The following SZT2 variants were observed in gnomAD, a reference collection of about 807,000 sequenced individuals.
SZT2 encodes the protein SZT2 subunit of KICSTOR complex.
SZT2 carries 216 observed loss-of-function variants against 404.2 expected under a neutral mutation model. The observed-to-expected ratio is 0.53, with a 90% confidence interval of 0.48 to 0.60. The LOEUF (loss-of-function observed/expected upper bound fraction) is 0.60, where lower values mean the gene tolerates loss of function less well. Ranked by LOEUF, SZT2 falls within the 20% of genes least tolerant of loss-of-function variation. The pLI is 0.00. For missense variants in SZT2, 3,857 were observed against 4,459.2 expected (o/e 0.86, Z 3.85); for synonymous variants, 1,693 against 1,749.9 (o/e 0.97, Z 0.81).
chr1:43,444,422 C>T (rs1255577775), intron 62 of SZT2, among the ~76,000 whole-genome samples: 1 of 152,114 alleles, frequency 6.6e-6, no homozygotes, highest in Non-Finnish European at 1.5e-5. Flanking sequence ...TGTACATGCT[C>T]CTAAGCCTCT....
chr1:43,439,225 G>A lies in SZT2; in HGVS notation c.6792+132G>A, dbSNP rs879117866. 26 of 1,524,562 alleles carry A rather than the reference G, an allele frequency of 1.7e-5. No homozygotes were observed. In the South Asian group the frequency reaches 2.8e-4, roughly 16 times the overall value. 94.4% of individuals were successfully genotyped at this position (1,524,562 alleles called of 1,614,324 possible). A position where few individuals can be genotyped will look rare whatever the true frequency, so the allele number is the denominator to read the frequency against. On this transcript the variant is annotated intron_variant, in intron 48 of 71. Coordinates refer to ENST00000634258, the MANE Select transcript of SZT2 (RefSeq NM_001365999.1). The surrounding 1 kb of genome is among the most constrained non-coding windows in gnomAD (Gnocchi z 4.2). ...CTGGGTACACCCATGCCCCCCCGGG[G>A]ACCATTATTACCCGCCTGTGTCTTC...
rs2153935755 is a variant in SZT2, at chr1:43,441,632, A to T, written c.7609+31A>T. On this transcript the variant is annotated intron_variant, in intron 54 of 71. Coordinates refer to ENST00000634258, the MANE Select transcript of SZT2 (RefSeq NM_001365999.1). This position sits in a 1 kb window ranked among gnomAD's most constrained non-coding sequence, Gnocchi z 4.8. Reference sequence around the variant, plus strand: ...ACCCCAGCCTCCCCTCCCATCCCTCAACCCCAGCCTGGTCTCCATCCTGCA... The same window carrying T: ...ACCCCAGCCTCCCCTCCCATCCCTCTACCCCAGCCTGGTCTCCATCCTGCA... 1.2e-6 allele frequency: 2 copies of T among 1,613,912 alleles called. No homozygotes were observed. Among genetic ancestry groups the T allele is most frequent in the Non-Finnish European group, 1.7e-6 (2 of 1,179,926 alleles).
intron 28 of SZT2, chr1:43,429,369 C>T (rs1653580167): frequency 4.1e-6 from 1 of 244,936 alleles, no homozygotes; most frequent in Admixed American, 4.9e-5. Flanking sequence ...CTTGTTTCTA[C>T]AAAAGAATTT....
At position 43,450,790 on chromosome 1, in the gene SZT2, G is replaced by A. The variant is rs1400012232; in HGVS notation, c.*310G>A. ...TGGTAGAGTCTCGGGAGTTCACACA[G>A]GGTGGCAAACACCCCCTAGAGCTCC... On this transcript the variant is annotated 3_prime_UTR_variant, in exon 72 of 72. Coordinates refer to ENST00000634258, the MANE Select transcript of SZT2 (RefSeq NM_001365999.1). This position sits in a 1 kb window ranked among gnomAD's most constrained non-coding sequence, Gnocchi z 4.3. The A allele has an allele frequency of 1.4e-6, 1 of 710,034 alleles. No individual in the cohort carries two copies. Among genetic ancestry groups the A allele is most frequent in the East Asian group, 2.7e-5 (1 of 36,466 alleles). 44.0% of individuals were successfully genotyped at this position (710,034 alleles called of 1,614,324 possible).
At position 43,437,199 on chromosome 1, in the gene SZT2, C is replaced by G; in HGVS notation, c.6063C>G (p.Pro2021=). The G allele has an allele frequency of 6.2e-7, 1 of 1,614,148 alleles. No individual in the cohort carries two copies. The highest frequency in any genetic ancestry group is 8.5e-7 in the Non-Finnish European group (1 of 1,180,030). ...ATGCTGCTGATGAGAGCTGTGCGCC[C>G]CGTGGGTACCTGGCAGCCACAATGC... is the stretch of plus-strand genomic sequence containing the variant. The part of the protein sequence containing the change: ...DDYAADESCA[P]RGYLAATMQF... Residue 2021 remains proline, a synonymous_variant, in exon 43 of 72, where the codon CCC becomes CCG. Transcript: ENST00000634258. This position sits in a 1 kb window ranked among gnomAD's most constrained non-coding sequence, Gnocchi z 5.3.
Position 43,445,908 on chromosome 1 carries a change from G to A in SZT2, c.8840G>A (p.Arg2947Gln), listed in dbSNP as rs147484328. 28 of 1,614,050 alleles carry A rather than the reference G, an allele frequency of 1.7e-5. No individual in the cohort carries two copies. Among genetic ancestry groups the A allele is most frequent in the South Asian group, 7.7e-5 (7 of 91,094 alleles). ...PSPARSTSRP[R>Q]AMAILGTEGR... Reference sequence around the variant, plus strand: ...CTTTTCTATAGCACCAGCCGGCCACGGGCCATGGCTATCCTTGGAACAGAG... The same window carrying A: ...CTTTTCTATAGCACCAGCCGGCCACAGGCCATGGCTATCCTTGGAACAGAG... The change falls in exon 63 of 72, where the codon CGG becomes CAG. Residue 2947 changes from arginine (R) to glutamine (Q), a missense_variant. Arg to Gln is a conservative substitution (Grantham distance 43). This residue lies in a region of SZT2 where 717 missense variants were observed against 868.2 expected (regional missense o/e 0.83). Transcript: ENST00000634258.
At chr1:43,399,904 G>A (rs185714710) in intron 1 of SZT2, among the ~76,000 whole-genome samples, 3 of 152,068 alleles carry the variant, frequency 2.0e-5, no homozygotes, top group Non-Finnish European at 2.9e-5. Context: ...GTAACAGAGA[G>A]TAGTATCTCC....
chr1:43,446,590 C>T, intron 65 of SZT2, 174 bp downstream of exon 65: 1 of 750,780 alleles, frequency 1.3e-6, no homozygotes, highest in Middle Eastern at 3.8e-4. Context: ...TGACTGCACT[C>T]ACTACAAGGC....
At position 43,453,536 on chromosome 1, in the gene SZT2, T is replaced by A; in HGVS notation, c.*3056T>A. ...GGGCCTCAGCCCCCGGCTCGGACAC[T>A]CCCCTGCCCGCGCCCCGGCACCCCC... On this transcript the variant is annotated 3_prime_UTR_variant, in exon 72 of 72. Transcript: ENST00000634258. The A allele has an allele frequency of 6.6e-6, 10 of 1,521,946 alleles. No homozygotes were observed. The highest frequency in any genetic ancestry group is 8.8e-6 in the Non-Finnish European group (10 of 1,130,686). 94.3% of individuals were successfully genotyped at this position (1,521,946 alleles called of 1,614,324 possible).
At position 43,450,171 on chromosome 1, in the gene SZT2, G is replaced by A. The variant is rs752635597; in HGVS notation, c.10155G>A (p.Thr3385=). 4.3e-6 allele frequency: 7 copies of A among 1,614,060 alleles called. No homozygotes were observed. Among genetic ancestry groups the A allele is most frequent in the Non-Finnish European group, 5.9e-6 (7 of 1,179,976 alleles). The change falls in exon 71 of 72, where the codon ACG becomes ACA. Residue 3385 remains threonine (T), a splice_region_variant and synonymous_variant. Coordinates refer to ENST00000634258, the MANE Select transcript of SZT2 (RefSeq NM_001365999.1). This position sits in a 1 kb window ranked among gnomAD's most constrained non-coding sequence, Gnocchi z 4.3. ...TTCTGGACTCCCACTTAGGAAAGAC[G>A]GTAAGAACGAGTGGGGGGCTTTGTG... ...LVFLDSHLGK[T]SLTVVFREPF...
At chr1:43,399,034 T>C (rs191638529) in intron 1 of SZT2, among the ~76,000 whole-genome samples, 13 of 151,756 alleles carry the variant, frequency 8.6e-5, no homozygotes, top group Non-Finnish European at 1.8e-4. Context: ...GAGCCGAGAT[T>C]GCGCCACTAC....
At position 43,445,881 on chromosome 1, in the gene SZT2, T is replaced by C. The variant is rs1557599955; in HGVS notation, c.8826-13T>C. The C allele has an allele frequency of 4.3e-6, 7 of 1,613,748 alleles. No homozygotes were observed. Among genetic ancestry groups the C allele is most frequent in the Non-Finnish European group, 5.9e-6 (7 of 1,179,770 alleles). On this transcript the variant is annotated splice_polypyrimidine_tract_variant and intron_variant, in intron 62 of 71. Transcript: ENST00000634258. ...GCCTGCCTCATCCTCTTATCCCTCC[T>C]CCTTTTCTATAGCACCAGCCGGCCA...
In SZT2 at chr1:43,445,923, T is replaced by A. The variant is rs778885659; in HGVS notation, c.8855T>A (p.Leu2952His). 9 of 1,614,134 alleles carry A rather than the reference T, an allele frequency of 5.6e-6. No homozygotes were observed. The African/African-American group carries it at 1.1e-4, about 19-fold the overall frequency. The change falls in exon 63 of 72, where the codon CTT (leucine) becomes CAT (histidine). Residue 2952 changes from leucine (L) to histidine (H), a missense_variant. Around this residue, in one of 7 missense-constraint regions of SZT2, gnomAD observed 717 missense variants for 868.2 expected, o/e 0.83. Coordinates refer to ENST00000634258, the MANE Select transcript of SZT2 (RefSeq NM_001365999.1). Reference sequence around the variant, plus strand: ...AGCCGGCCACGGGCCATGGCTATCCTTGGAACAGAGGGTCGAGGCTCCTTC... The same window carrying A: ...AGCCGGCCACGGGCCATGGCTATCCATGGAACAGAGGGTCGAGGCTCCTTC... The part of the protein sequence containing the change: ...STSRPRAMAI[L>H]GTEGRGSFSC...
chr1:43,449,965 C>G, intron 70 of SZT2, 138 bp from the exon 71 acceptor site: 2 of 983,076 alleles, frequency 2.0e-6, no homozygotes, highest in South Asian at 2.8e-5. Context: ...TTTGGAGACA[C>G]GGTCCTATGT....
At position 43,398,820 on chromosome 1, in the gene SZT2, G is replaced by A. The variant is rs538279915; in HGVS notation, c.28-4357G>A. 2.0e-5 allele frequency among the ~76,000 whole-genome samples: 3 copies of A among 152,250 alleles called. No individual in the cohort carries two copies. The East Asian group carries it at 5.8e-4, about 29-fold the overall frequency. On this transcript the variant is annotated intron_variant, in intron 1 of 71. Transcript: ENST00000634258. ...CAGTAGGTTGGGTGCGGTGGCTCAC[G>A]CCTGTAATCCCAGCACTTTGGGAGG...
Position 43,439,075 on chromosome 1 carries a change from C to T in SZT2, c.6774C>T (p.Asn2258=), listed in dbSNP as rs756253883. Reference sequence around the variant, plus strand: ...ACTCTCCCAAGTACACAGATAGCAACAGCCGGAACCACTTCCAAGTGAGAT... The same window carrying T: ...ACTCTCCCAAGTACACAGATAGCAATAGCCGGAACCACTTCCAAGTGAGAT... ...FLHSPKYTDS[N]SRNHFQHPLP... The change falls in exon 48 of 72, where the codon AAC becomes AAT. Residue 2258 remains asparagine, a synonymous_variant. Transcript: ENST00000634258. The surrounding 1 kb of genome is among the most constrained non-coding windows in gnomAD (Gnocchi z 4.2). The T allele has an allele frequency of 4.3e-6, 7 of 1,614,236 alleles. No individual in the cohort carries two copies. The South Asian group carries it at 4.4e-5, about 10-fold the overall frequency.
chr1:43,449,817 G>C (rs1656163969), intron 70 of SZT2: 1 of 525,588 alleles, frequency 1.9e-6, no homozygotes, highest in African/African-American at 1.9e-5. Flanking sequence ...GTTGTGCCAG[G>C]GGTACAGCAC....
rs1209025461 is a variant in SZT2 at position 43,439,966 on chromosome 1, A to C, written c.7128A>C (p.Gly2376=). ...SIVQLEEKLR[G]AARQALADAI... ...TGCAGCTGGAGGAGAAACTCCGAGG[A>C]GCAGCTCGCCAGGCCCTGGCCGATG... Residue 2376 remains glycine, a synonymous_variant, in exon 51 of 72, where the codon GGA becomes GGC. Coordinates refer to ENST00000634258, the MANE Select transcript of SZT2 (RefSeq NM_001365999.1). The surrounding 1 kb of genome is among the most constrained non-coding windows in gnomAD (Gnocchi z 4.2). The C allele has an allele frequency of 6.2e-7, 1 of 1,614,108 alleles. No homozygotes were observed. Among genetic ancestry groups the C allele is most frequent in the East Asian group, 2.2e-5 (1 of 44,874 alleles).
chr1:43,438,286 G>A lies in SZT2; in HGVS notation c.6508+384G>A, dbSNP rs563836992. 8 of 346,042 alleles carry A rather than the reference G, an allele frequency of 2.3e-5. 1 individual carries two copies. The East Asian group carries it at 3.7e-4, about 16-fold the overall frequency. 21.4% of individuals were successfully genotyped at this position (346,042 alleles called of 1,614,324 possible). A position where few individuals can be genotyped will look rare whatever the true frequency, so the allele number is the denominator to read the frequency against. Reference sequence around the variant, plus strand: ...TGCCACCGACCTGATACCAGACTGGGTTCGGGGTGAAGAGGATGGTTATTT... The same window carrying A: ...TGCCACCGACCTGATACCAGACTGGATTCGGGGTGAAGAGGATGGTTATTT... On this transcript the variant is annotated intron_variant, in intron 46 of 71. Coordinates refer to ENST00000634258, the MANE Select transcript of SZT2 (RefSeq NM_001365999.1).
Sources: allele counts gnomAD v4.1 joint callset (sites outside exome capture counted in the v4.1 genomes callset), GRCh38; gene constraint gnomAD v4.1.1; regional missense constraint gnomAD v4.1.1; non-coding constraint Gnocchi (gnomAD v3.1); transcripts MANE v1.5; gene names NCBI Gene and HGNC (gene_info 2026-07-23, HGNC 2026-07-21).